Variants in NCOA1 observed in about 807,000 individuals in gnomAD.
NCOA1 encodes the protein nuclear receptor coactivator 1, also known as Hin-2 protein.
Under a neutral mutation model 150.9 loss-of-function variants are expected in NCOA1, and 35 were observed. That is an observed-to-expected ratio of 0.23 (90% CI 0.18 to 0.31). The LOEUF is 0.31. Among genes scored for constraint, NCOA1 ranks in the 10% least tolerant of loss-of-function variants. The pLI is 1.00. For missense variants in NCOA1, 1,491 were observed against 1,749.3 expected, an observed-to-expected ratio of 0.85 and a Z score of 2.63; for synonymous variants, 590 against 630.0, an observed-to-expected ratio of 0.94 and a Z score of 0.95.
intron 1 of NCOA1, among the ~76,000 whole-genome samples, chr2:24,504,408 A>G (rs565570939): frequency 6.6e-6 from 1 of 152,340 alleles, no homozygotes; most frequent in Admixed American, 6.5e-5. Context: ...ATAGGATACT[A>G]CTTAAGGGGC....
intron 8 of NCOA1, among the ~76,000 whole-genome samples, chr2:24,689,269 A>G (rs578122194): frequency 6.6e-6 from 1 of 152,264 alleles, no homozygotes; most frequent in East Asian, 1.9e-4. Flanking sequence ...TGTCATTGGT[A>G]GTTTGATAGG....
In NCOA1 at chr2:24,751,871, A is replaced by G. The variant is rs984163349; in HGVS notation, c.3707-111A>G. 4.7e-6 allele frequency: 5 copies of G among 1,066,028 alleles called. No individual in the cohort carries two copies. In the African/African-American group the frequency reaches 8.1e-5, roughly 17 times the overall value. The allele number at this position is 1,066,028 out of a possible 1,614,324, so 66.0% of individuals were successfully genotyped here. On this transcript the variant is annotated intron_variant, in intron 19 of 22. Transcript: ENST00000348332. ...TATTGCCTGACACAAGACAAGGCAAATAAGAAAGTTATTTGTAAATATATT... is the reference window on the plus strand; with the variant it reads ...TATTGCCTGACACAAGACAAGGCAAGTAAGAAAGTTATTTGTAAATATATT...
At chr2:24,721,342 GT>G (rs1674348551) in intron 14 of NCOA1, among the ~76,000 whole-genome samples, 1 of 152,112 alleles carries the variant, frequency 6.6e-6, no homozygotes. Context: ...CTTCATTAAA[GT>G]TGCTTTCTTT....
At chr2:24,495,784 A>G (rs17046335) in intron 1 of NCOA1, among the ~76,000 whole-genome samples, 7,000 of 152,292 alleles carry the variant, frequency 0.046, 254 homozygotes, top group East Asian at 0.2. Flanking sequence ...AGGTTGATGT[A>G]GCCTTGAGCT....
At chr2:24,525,651 A>G (rs902159283) in intron 1 of NCOA1, among the ~76,000 whole-genome samples, 5 of 151,800 alleles carry the variant, frequency 3.3e-5, no homozygotes, top group African/African-American at 7.3e-5. Flanking sequence ...GGTTCATGCA[A>G]TTCTCCTGCC....
chr2:24,649,336 C>T (rs985189838), intron 4 of NCOA1, among the ~76,000 whole-genome samples: 7 of 152,132 alleles, frequency 4.6e-5, no homozygotes, highest in African/African-American at 9.7e-5. Context: ...CTCTTTTGTA[C>T]GCCTGCAAGT....
chr2:24,556,212 A>C (rs1666064817), intron 1 of NCOA1, among the ~76,000 whole-genome samples: 1 of 152,012 alleles, frequency 6.6e-6, no homozygotes, highest in Admixed American at 6.6e-5. Flanking sequence ...GTGTTCTCAT[A>C]TGTTCAGATC....
At chr2:24,589,106 T>A (rs528287938) in intron 3 of NCOA1, among the ~76,000 whole-genome samples, 1 of 152,206 alleles carries the variant, frequency 6.6e-6, no homozygotes, top group Non-Finnish European at 1.5e-5. Flanking sequence ...TCTAGACTTA[T>A]GGGTTGGCTT....
At chr2:24,542,621 G>A (rs115385564) in intron 1 of NCOA1, among the ~76,000 whole-genome samples, 1 of 152,160 alleles carries the variant, frequency 6.6e-6, no homozygotes, top group African/African-American at 2.4e-5. Context: ...TTGGTTTTGG[G>A]CTTGGAGTTT....
chr2:24,537,550 A>C (rs1347046169), intron 1 of NCOA1, among the ~76,000 whole-genome samples: 2 of 151,858 alleles, frequency 1.3e-5, no homozygotes, highest in African/African-American at 4.8e-5. Flanking sequence ...TAGAGAATGA[A>C]ACTGGTTACC....
chr2:24,544,900 C>CATTTTTGG (rs1483670535), intron 1 of NCOA1, among the ~76,000 whole-genome samples: 1 of 152,256 alleles, frequency 6.6e-6, no homozygotes, highest in East Asian at 1.9e-4. Context: ...CTAGTTTTCT[C>CATTTTTGG]ATTTTTGGAG....
Position 24,558,815 on chromosome 2 carries a change from G to A in NCOA1, c.-395-5480G>A, listed in dbSNP as rs192125518. Among the ~76,000 whole-genome samples, 40 of 152,276 alleles carry A rather than the reference G, an allele frequency of 2.6e-4. No homozygotes were observed. In the East Asian group the frequency reaches 3.3e-3, roughly 12 times the overall value. ...GAAGCATGATCTAATTGGATCTTGC[G>A]ATGAGGTGATACCTAGAGGTGTGAT... On this transcript the variant is annotated intron_variant, in intron 1 of 22. Transcript: ENST00000348332.
chr2:24,686,048 C>A (rs1402225208), intron 8 of NCOA1, among the ~76,000 whole-genome samples: 2 of 152,206 alleles, frequency 1.3e-5, no homozygotes, highest in African/African-American at 2.4e-5. Flanking sequence ...GTCACCCAGG[C>A]TGGAGTGCGA....
At chr2:24,510,929 A>G (rs902684806) in intron 1 of NCOA1, among the ~76,000 whole-genome samples, 1 of 152,216 alleles carries the variant, frequency 6.6e-6, no homozygotes, top group Non-Finnish European at 1.5e-5. Context: ...AAGTTGTACA[A>G]CCATCACCAT....
chr2:24,576,170 G>GTTTTTGTTTTTTTTTTTTTTT (rs1666967476), intron 2 of NCOA1, among the ~76,000 whole-genome samples: 39 of 46,282 alleles, frequency 8.4e-4, no homozygotes, highest in African/African-American at 2.4e-3. Flanking sequence ...TTTGTTTTTT[G>GTTTTTGTTTTTTTTTTTTTTT]TTTTTTTTTT....
chr2:24,621,415 T>G (rs1234008414), intron 3 of NCOA1, among the ~76,000 whole-genome samples: 3 of 120,378 alleles, frequency 2.5e-5, no homozygotes, highest in African/African-American at 8.5e-5. Context: ...TTTTGTGTTA[T>G]GTGTGTATTC....
intron 3 of NCOA1, among the ~76,000 whole-genome samples, chr2:24,584,969 T>A (rs1223147828): frequency 2.6e-5 from 4 of 152,246 alleles, no homozygotes; most frequent in African/African-American, 9.6e-5. Flanking sequence ...ACTTTTCCTG[T>A]AATGCAGCTG....
intron 21 of NCOA1, among the ~76,000 whole-genome samples, chr2:24,760,784 T>G (rs1191713315): frequency 6.6e-6 from 1 of 152,208 alleles, no homozygotes; most frequent in African/African-American, 2.4e-5. Context: ...TCATTGAGCT[T>G]CTTGATTCAT....
intron 5 of NCOA1, among the ~76,000 whole-genome samples, chr2:24,662,198 A>G (rs1484107561): frequency 6.6e-6 from 1 of 152,248 alleles, no homozygotes; most frequent in African/African-American, 2.4e-5. Flanking sequence ...GGGTATTGCC[A>G]GCATTGTGCA....
Sources: gnomAD v4.1 joint callset for allele counts (sites outside exome capture counted in the v4.1 genomes callset) on GRCh38, gnomAD v4.1.1 for gene constraint, MANE v1.5 for transcripts, NCBI Gene and HGNC (gene_info 2026-07-23, HGNC 2026-07-21) for gene names.